The following PDE4D variants were observed in gnomAD, a reference collection of about 807,000 sequenced individuals.
PDE4D encodes the protein phosphodiesterase 4D, also known as 3',5'-cyclic-AMP phosphodiesterase 4D.
PDE4D carries 24 observed loss-of-function variants against 87.4 expected under a neutral mutation model. The observed-to-expected ratio is 0.27, with a 90% CI of 0.20 to 0.39. PDE4D has a LOEUF of 0.39. Ranked by LOEUF, PDE4D falls within the 10% of genes least tolerant of loss-of-function variation. PDE4D has a pLI of 1.00. For synonymous variants in PDE4D, 384 were observed against 383.2 expected (o/e 1.00, Z -0.02); for missense variants, 714 against 1,041.0 (o/e 0.69, Z 4.32).
intron 1 of PDE4D, among the ~76,000 whole-genome samples, chr5:59,520,171 G>A (rs1283742219): frequency 1.3e-5 from 2 of 152,164 alleles, no homozygotes; most frequent in African/African-American, 4.8e-5. Flanking sequence ...GCTAAGGCAG[G>A]AGAATTGCTT....
At chr5:59,029,967 A>G (rs1334752523) in intron 6 of PDE4D, among the ~76,000 whole-genome samples, 2 of 152,188 alleles carry the variant, frequency 1.3e-5, no homozygotes, top group African/African-American at 4.8e-5. Context: ...GTGTTGGGAA[A>G]ACTGGATGTC....
chr5:60,298,960 T>C (rs1380129827), intron 1 of PDE4D, among the ~76,000 whole-genome samples: 1 of 152,210 alleles, frequency 6.6e-6, no homozygotes, highest in African/African-American at 2.4e-5. Flanking sequence ...TTTCACTTAT[T>C]CTTTTGAGGG....
chr5:59,437,536 C>G (rs1796954172), intron 1 of PDE4D, among the ~76,000 whole-genome samples: 2 of 152,226 alleles, frequency 1.3e-5, no homozygotes, highest in South Asian at 4.2e-4. Flanking sequence ...TGTCAACTAG[C>G]TAGTTCAGCA....
intron 5 of PDE4D, chr5:59,174,281 CACTT>C (rs1269642439): frequency 6.6e-6 from 1 of 151,788 alleles, no homozygotes; most frequent in African/African-American, 2.4e-5. Flanking sequence ...ATTTAGAATG[CACTT>C]ACTGTTTTTA....
At chr5:60,416,333 C>T (rs1042115948) in intron 1 of PDE4D, among the ~76,000 whole-genome samples, 6 of 152,346 alleles carry the variant, frequency 3.9e-5, no homozygotes, top group African/African-American at 9.6e-5. Flanking sequence ...CTGGGGTCCC[C>T]TTCCACACTG....
At chr5:59,141,040 A>T (rs928673737) in intron 5 of PDE4D, among the ~76,000 whole-genome samples, 3 of 152,232 alleles carry the variant, frequency 2.0e-5, no homozygotes, top group Non-Finnish European at 2.9e-5. Context: ...TATTTGACTT[A>T]TGTGGCAGAA....
chr5:60,475,149 G>A (rs1390876275), intron 1 of PDE4D, among the ~76,000 whole-genome samples: 1 of 152,042 alleles, frequency 6.6e-6, no homozygotes, highest in East Asian at 1.9e-4. Context: ...CCCCCCTAAT[G>A]TTATGCTCCC....
chr5:58,994,887 G>A (rs35150172), intron 6 of PDE4D, among the ~76,000 whole-genome samples: 13,675 of 149,850 alleles, frequency 0.091, 816 homozygotes, highest in African/African-American at 0.14. Flanking sequence ...TACATTGGGT[G>A]TATCTCCTAA....
intron 5 of PDE4D, among the ~76,000 whole-genome samples, chr5:59,131,645 C>CACACACACACAG (rs60337924): frequency 6.8e-6 from 1 of 146,336 alleles, no homozygotes; most frequent in Non-Finnish European, 1.5e-5. Flanking sequence ...CACACACACA[C>CACACACACACAG]ATTAATGAGA....
intron 1 of PDE4D, among the ~76,000 whole-genome samples, chr5:60,353,211 G>C (rs1759346127): frequency 6.6e-6 from 1 of 152,110 alleles, no homozygotes; most frequent in African/African-American, 2.4e-5. Context: ...ACAGTGCTTT[G>C]CCACAGTTAG....
chr5:59,299,476 AAAC>A (rs2153559485), intron 1 of PDE4D, among the ~76,000 whole-genome samples: 1 of 152,312 alleles, frequency 6.6e-6, no homozygotes, highest in Admixed American at 6.5e-5. Context: ...TTTCCTAAAT[AAAC>A]AACTAATATT....
chr5:59,469,605 T>C (rs1385667357), intron 1 of PDE4D, among the ~76,000 whole-genome samples: 1 of 152,110 alleles, frequency 6.6e-6, no homozygotes, highest in Non-Finnish European at 1.5e-5. Context: ...GAAGGCACAG[T>C]GCATACCCAG....
At chr5:59,563,493 G>T (rs1056976185) in intron 1 of PDE4D, among the ~76,000 whole-genome samples, 1 of 152,208 alleles carries the variant, frequency 6.6e-6, no homozygotes, top group Admixed American at 6.5e-5. Context: ...ACCCTTACAG[G>T]TTGTGAAGGA....
At chr5:60,457,722 C>T (rs997636878) in intron 1 of PDE4D, among the ~76,000 whole-genome samples, 1 of 152,150 alleles carries the variant, frequency 6.6e-6, no homozygotes, top group South Asian at 2.1e-4. Flanking sequence ...AGTTCTAGTG[C>T]TTAGTAGCTG....
intron 2 of PDE4D, among the ~76,000 whole-genome samples, chr5:60,114,329 A>C (rs1777944646): frequency 3.3e-5 from 5 of 152,130 alleles, no homozygotes; most frequent in Admixed American, 3.3e-4. Context: ...CGGTACTTAG[A>C]AAATATAAAG....
At chr5:59,527,347 A>G (rs916963732) in intron 1 of PDE4D, among the ~76,000 whole-genome samples, 3 of 152,288 alleles carry the variant, frequency 2.0e-5, no homozygotes, top group African/African-American at 7.2e-5. Context: ...TATTCAAAAC[A>G]CTATCCTTTT....
Position 59,355,994 on chromosome 5 carries a change from C to T in PDE4D, c.456-140026G>A, listed in dbSNP as rs368942857. ...TTGCAAACAATGTCACTTCTATTTA[C>T]TATTGATTAAATAGATACCTTTCAG... On this transcript the variant is annotated intron_variant, in intron 1 of 14. Transcript: ENST00000340635. 3.7e-4 allele frequency among the ~76,000 whole-genome samples: 56 copies of T among 152,248 alleles called. No homozygotes were observed. In the South Asian group the frequency reaches 0.011, roughly 30 times the overall value.
intron 1 of PDE4D, among the ~76,000 whole-genome samples, chr5:60,454,747 C>T (rs1488325766): frequency 6.6e-6 from 1 of 152,124 alleles, no homozygotes; most frequent in Non-Finnish European, 1.5e-5. Context: ...ACCACCATGG[C>T]ACACATTTAC....
At chr5:59,762,613 CAT>C (rs1762235868) in intron 1 of PDE4D, among the ~76,000 whole-genome samples, 1 of 141,708 alleles carries the variant, frequency 7.1e-6, no homozygotes, top group South Asian at 2.2e-4. Flanking sequence ...TATATAGGTA[CAT>C]ATGTGTATAT....
Sources: gnomAD v4.1 joint callset for allele counts (sites outside exome capture counted in the v4.1 genomes callset) on GRCh38, gnomAD v4.1.1 for gene constraint, MANE v1.5 for transcripts, NCBI Gene and HGNC (gene_info 2026-07-23, HGNC 2026-07-21) for gene names.